The following HIRA variants were observed in gnomAD, a reference collection of about 807,000 sequenced individuals.
HIRA encodes histone cell cycle regulator.
A neutral mutation model predicts 126.6 loss-of-function variants in HIRA; 13 were observed. The observed-to-expected ratio is 0.10, with a 90% confidence interval of 0.07 to 0.16. The LOEUF is 0.16. HIRA is among the 10% of genes least tolerant of loss of function. The probability of loss-of-function intolerance (pLI) is 1.00; values close to 1 mark genes in which losing one functional copy is unlikely to be tolerated. For synonymous variants in HIRA, 511 were observed against 520.0 expected (o/e 0.98, Z 0.24); for missense variants, 834 against 1,314.4 (o/e 0.63, Z 5.65).
chr22:19,343,435 C>T (rs540253500), intron 24 of HIRA, among the ~76,000 whole-genome samples: 3 of 151,860 alleles, frequency 2.0e-5, no homozygotes, highest in Non-Finnish European at 2.9e-5. Context: ...TGGTGGCGCA[C>T]ATCTGTGGTC....
In HIRA at chr22:19,399,960, G is replaced by A. The variant is rs183365934; in HGVS notation, c.398-1873C>T. On this transcript the variant is annotated intron_variant, in intron 5 of 24. Coordinates refer to ENST00000263208, the MANE Select transcript of HIRA (RefSeq NM_003325.4). ...AAAACAACAACTTTCTCTAGTAACT[G>A]AGAGTCCTGGAGGGGCACACATGCA... is the stretch of plus-strand genomic sequence containing the variant. Among the ~76,000 whole-genome samples the A allele has an allele frequency of 5.3e-3, 809 of 152,264 alleles. 7 individuals carry two copies. The highest frequency in any genetic ancestry group is 5.8e-3 in the Non-Finnish European group (395 of 68,024).
intron 15 of HIRA, among the ~76,000 whole-genome samples, chr22:19,371,553 AC>A (rs2088965380): frequency 6.6e-6 from 1 of 152,210 alleles, no homozygotes; most frequent in Admixed American, 6.5e-5. Flanking sequence ...AGGTTAAGCA[AC>A]CATCATCACT....
chr22:19,389,894 A>G (rs1172455979), intron 9 of HIRA, among the ~76,000 whole-genome samples: 1 of 151,922 alleles, frequency 6.6e-6, no homozygotes, highest in African/African-American at 2.4e-5. Flanking sequence ...GCACACAGTA[A>G]TATATTTCTC....
chr22:19,383,073 G>T (rs2089091122), intron 13 of HIRA, among the ~76,000 whole-genome samples: 1 of 152,040 alleles, frequency 6.6e-6, no homozygotes, highest in Non-Finnish European at 1.5e-5. Flanking sequence ...TGGGAATCTG[G>T]ATAATCAGAT....
chr22:19,411,492 A>G (rs2089352003), intron 1 of HIRA, among the ~76,000 whole-genome samples: 2 of 152,278 alleles, frequency 1.3e-5, no homozygotes, highest in South Asian at 2.1e-4. Context: ...CCAGCAGACC[A>G]TAGAAGGCAC....
chr22:19,426,060 T>C (rs2089485983), intron 1 of HIRA, among the ~76,000 whole-genome samples: 1 of 152,006 alleles, frequency 6.6e-6, no homozygotes, highest in Non-Finnish European at 1.5e-5. Flanking sequence ...ACATTCAGAG[T>C]GGCCCAAATC....
intron 4 of HIRA, among the ~76,000 whole-genome samples, chr22:19,406,113 G>C (rs149381090): frequency 6.6e-5 from 10 of 152,246 alleles, no homozygotes; most frequent in African/African-American, 2.4e-4. Flanking sequence ...CACAATAAGT[G>C]AAAGAAGCAG....
chr22:19,417,679 T>C (rs2089410535), intron 1 of HIRA, among the ~76,000 whole-genome samples: 1 of 152,168 alleles, frequency 6.6e-6, no homozygotes, highest in Non-Finnish European at 1.5e-5. Context: ...AAATAAGTGT[T>C]GATGAGGGTG....
chr22:19,366,393 T>A (rs1388352842), intron 15 of HIRA, among the ~76,000 whole-genome samples: 1 of 152,168 alleles, frequency 6.6e-6, no homozygotes, highest in East Asian at 1.9e-4. Flanking sequence ...GTAAGCTATA[T>A]CAGATTCCTC....
intron 15 of HIRA, 82 bp downstream of exon 15, chr22:19,375,549 C>T: frequency 6.8e-7 from 1 of 1,473,086 alleles, no homozygotes; most frequent in Middle Eastern, 2.1e-4. Flanking sequence ...AGGCAGGTTG[C>T]TTGGTGGGAA....
At position 19,331,073 on chromosome 22, in the gene HIRA, CA is replaced by C. The variant is rs1556004360; in HGVS notation, c.*366del. 8.9e-7 allele frequency: 1 copy of C among 1,117,622 alleles called. No individual in the cohort carries two copies. 69.2% of individuals were successfully genotyped at this position (1,117,622 alleles called of 1,614,324 possible). ...TCCGGATTCTCTCTCACAAATGGCT[CA>C]ATCGTCACTGCTGAAGCAGCATGGT... On this transcript the variant is annotated 3_prime_UTR_variant, in exon 25 of 25. Coordinates refer to ENST00000263208, the MANE Select transcript of HIRA (RefSeq NM_003325.4).
At chr22:19,405,012 C>T (rs962853405) in intron 5 of HIRA, among the ~76,000 whole-genome samples, 4 of 152,158 alleles carry the variant, frequency 2.6e-5, no homozygotes, top group African/African-American at 9.7e-5. Flanking sequence ...TTAGTGGCTC[C>T]CTATCTCTTC....
Position 19,348,530 on chromosome 22 carries a change from C to T in HIRA, c.2937+2828G>A, listed in dbSNP as rs118143251. Among the ~76,000 whole-genome samples, 82 of 152,124 alleles carry T rather than the reference C, an allele frequency of 5.4e-4. 1 individual carries two copies. In the East Asian group the frequency reaches 0.015, roughly 29 times the overall value. The stretch of plus-strand genomic sequence containing the variant: ...TTTTTTTTTGAGACAGAGTCTCACC[C>T]TGTCGCCTGGGCTGGTGTGCAATGG... On this transcript the variant is annotated intron_variant, in intron 24 of 24. Coordinates refer to ENST00000263208, the MANE Select transcript of HIRA (RefSeq NM_003325.4).
intron 9 of HIRA, among the ~76,000 whole-genome samples, chr22:19,389,560 A>T (rs2089158617): frequency 6.6e-6 from 1 of 152,162 alleles, no homozygotes. Flanking sequence ...AGGGGGCTGA[A>T]GTCTGAACGA....
chr22:19,395,551 C>T (rs2089216212), intron 7 of HIRA, among the ~76,000 whole-genome samples: 1 of 152,158 alleles, frequency 6.6e-6, no homozygotes, highest in Non-Finnish European at 1.5e-5. Flanking sequence ...ATACCTAGCC[C>T]AGGAGCTGGT....
At chr22:19,386,129 T>G (rs1006544027) in intron 11 of HIRA, among the ~76,000 whole-genome samples, 18 of 152,218 alleles carry the variant, frequency 1.2e-4, no homozygotes, top group African/African-American at 4.1e-4. Context: ...AATCAGATCC[T>G]AGAACAAAAG....
At chr22:19,396,569 G>A (rs2089225867) in intron 7 of HIRA, among the ~76,000 whole-genome samples, 2 of 152,226 alleles carry the variant, frequency 1.3e-5, no homozygotes, top group Non-Finnish European at 2.9e-5. Flanking sequence ...TTCAAAGTTG[G>A]AAATTAAACA....
intron 2 of HIRA, among the ~76,000 whole-genome samples, chr22:19,410,432 G>A (rs943700111): frequency 1.3e-5 from 2 of 152,154 alleles, no homozygotes; most frequent in African/African-American, 2.4e-5. Context: ...TACCGCTCTC[G>A]ATGCTCTACA....
intron 24 of HIRA, among the ~76,000 whole-genome samples, chr22:19,337,355 G>C (rs2088578320): frequency 6.6e-6 from 1 of 151,918 alleles, no homozygotes; most frequent in African/African-American, 2.4e-5. Context: ...GACACACTTA[G>C]AGAAATACAA....
Sources: allele counts gnomAD v4.1 joint callset (sites outside exome capture counted in the v4.1 genomes callset), GRCh38; gene constraint gnomAD v4.1.1; transcripts MANE v1.5; gene names NCBI Gene and HGNC (gene_info 2026-07-23, HGNC 2026-07-21).